The following DNAH11 variants were observed in gnomAD, a reference collection of about 807,000 sequenced individuals.
The protein encoded by DNAH11 is dynein axonemal heavy chain 11.
A neutral mutation model predicts 526.0 loss-of-function variants in DNAH11; 442 were observed. The observed-to-expected ratio is 0.84, with a 90% CI of 0.78 to 0.91. The LOEUF (loss-of-function observed/expected upper bound fraction) is 0.91. Ranked by LOEUF, DNAH11 falls within the 40% of genes least tolerant of loss-of-function variation. The pLI is 0.00. For missense variants in DNAH11, 6,989 were observed against 5,448.7 expected, an observed-to-expected ratio of 1.28 and a Z score of -8.90; for synonymous variants, 2,461 against 1,935.9, an observed-to-expected ratio of 1.27 and a Z score of -7.12.
At position 21,884,521 on chromosome 7, in the gene DNAH11, C is replaced by A. The variant is rs1252372990; in HGVS notation, c.12507+111C>A. On this transcript the variant is annotated intron_variant, in intron 76 of 81. Transcript: ENST00000409508. ...GCAATTCTTAATGTTATTGAGGATG[C>A]TTGGCCTTTTGGGAAATTTCTTAGA... 7.5e-6 allele frequency: 9 copies of A among 1,197,406 alleles called. No homozygotes were observed. The Admixed American group carries it at 2.7e-4, about 36-fold the overall frequency. 74.2% of individuals were successfully genotyped at this position (1,197,406 alleles called of 1,614,324 possible).
At chr7:21,726,485 T>G (rs1785110939) in intron 45 of DNAH11, among the ~76,000 whole-genome samples, 1 of 151,864 alleles carries the variant, frequency 6.6e-6, no homozygotes, top group Non-Finnish European at 1.5e-5. Context: ...TTTTTTTCTT[T>G]CTTGCCTGAT....
intron 28 of DNAH11, among the ~76,000 whole-genome samples, chr7:21,651,266 CAA>C (rs1781758307): frequency 6.6e-6 from 1 of 152,138 alleles, no homozygotes; most frequent in African/African-American, 2.4e-5. Context: ...GTAGGTAGGG[CAA>C]ATACGAACTT....
intron 1 of DNAH11, among the ~76,000 whole-genome samples, chr7:21,544,258 G>T (rs926986907): frequency 2.0e-5 from 3 of 152,190 alleles, no homozygotes; most frequent in Non-Finnish European, 4.4e-5. Flanking sequence ...TTTGGAGCAA[G>T]ATTCACAATT....
rs1156928594 is a variant in DNAH11 at position 21,865,359 on chromosome 7, T to C, written c.11496+702T>C. Among the ~76,000 whole-genome samples, 9 of 152,356 alleles carry C rather than the reference T, an allele frequency of 5.9e-5. No homozygotes were observed. In the East Asian group the frequency reaches 1.7e-3, roughly 29 times the overall value. On this transcript the variant is annotated intron_variant, in intron 70 of 81. Transcript: ENST00000409508. ...AGTATTTGTAATTAGATTGTAACTT[T>C]AGAATTCAAAATTCAAATTCAAATG...
intron 14 of DNAH11, among the ~76,000 whole-genome samples, chr7:21,593,563 A>G (rs1047407405): frequency 1.5e-5 from 2 of 134,190 alleles, no homozygotes. Flanking sequence ...GAAGAAAGCC[A>G]TTGAGGGAAA....
In DNAH11 at chr7:21,687,174, AAC is replaced by A. The variant is rs1783410926; in HGVS notation, c.5699_5700del (p.Thr1900ArgfsTer33). 6.2e-7 allele frequency: 1 copy of A among 1,613,086 alleles called. No individual in the cohort carries two copies. Among genetic ancestry groups the A allele is most frequent in the Non-Finnish European group, 8.5e-7 (1 of 1,179,468 alleles). ...APAGPAGTGKTETTKDLGRAL... is the reference protein window; with the variant it reads ...APAGPAGTGKXETTKDLGRAL... ...CTGCTGGCCCAGCTGGTACCGGGAA[AAC>A]AGAGACCACCAAAGACCTAGGACGT... On this transcript the variant is annotated frameshift_variant, in exon 33 of 82. Transcript: ENST00000409508. LOFTEE classifies it high-confidence loss of function.
chr7:21,703,658 C>T (rs572864854), intron 37 of DNAH11: 1 of 152,212 alleles, frequency 6.6e-6, no homozygotes, highest in Admixed American at 6.5e-5. Context: ...CTAAGCCCTC[C>T]TCTAATTTGA....
At chr7:21,805,009 A>G (rs542971278) in intron 62 of DNAH11, among the ~76,000 whole-genome samples, 15 of 152,118 alleles carry the variant, frequency 9.9e-5, no homozygotes, top group African/African-American at 3.6e-4. Context: ...TCATACTTCC[A>G]GGCACGCTCC....
chr7:21,730,698 C>T (rs2906677), intron 45 of DNAH11, among the ~76,000 whole-genome samples: 98,760 of 151,832 alleles, frequency 0.65, 32,546 homozygotes, highest in South Asian at 0.73. Context: ...AGTTAGGAGA[C>T]TGGGGAGATG....
intron 31 of DNAH11, among the ~76,000 whole-genome samples, chr7:21,682,022 C>G (rs912060587): frequency 2.0e-5 from 3 of 152,168 alleles, no homozygotes; most frequent in Admixed American, 1.3e-4. Context: ...CTGTGACTTA[C>G]ACAGCCAATA....
intron 25 of DNAH11, among the ~76,000 whole-genome samples, chr7:21,630,268 C>G (rs750156430): frequency 1.3e-5 from 2 of 151,864 alleles, no homozygotes; most frequent in African/African-American, 2.4e-5. Context: ...TTTATATTGT[C>G]TATCTCTTAA....
intron 2 of DNAH11, among the ~76,000 whole-genome samples, chr7:21,554,054 T>C (rs192539856): frequency 4.5e-4 from 69 of 152,230 alleles, no homozygotes; most frequent in African/African-American, 1.5e-3. Flanking sequence ...AGTTTCCTCT[T>C]TTGGTTTTTG....
chr7:21,852,470 G>A lies in DNAH11; in HGVS notation c.10900G>A (p.Val3634Ile). The A allele has an allele frequency of 6.2e-7, 1 of 1,610,556 alleles. No homozygotes were observed. Among genetic ancestry groups the A allele is most frequent in the Non-Finnish European group, 8.5e-7 (1 of 1,178,214 alleles). ...ERPDLEKLKL[V>I]LTKHQNDFKI... Reference sequence around the variant, plus strand: ...CACTTTTCTTGGTTTTTATTAGTTGGTATTGACAAAGCACCAAAATGATTT... The same window carrying A: ...CACTTTTCTTGGTTTTTATTAGTTGATATTGACAAAGCACCAAAATGATTT... Residue 3634 changes from valine (V) to isoleucine (I), a missense_variant, in exon 67 of 82, where the codon GTA (valine) becomes ATA (isoleucine). Transcript: ENST00000409508.
intron 70 of DNAH11, 78 bp downstream of exon 70, chr7:21,864,735 T>C: frequency 7.2e-7 from 1 of 1,389,082 alleles, no homozygotes; most frequent in Non-Finnish European, 9.6e-7. Flanking sequence ...AATGTAAACA[T>C]TAAAGAATAC....
chr7:21,868,019 G>T lies in DNAH11; in HGVS notation c.11839+12G>T. 1 of 1,508,412 alleles carries T rather than the reference G, an allele frequency of 6.6e-7. No homozygotes were observed. The highest frequency in any genetic ancestry group is 8.9e-7 in the Non-Finnish European group (1 of 1,123,086). The allele number at this position is 1,508,412 out of a possible 1,614,324, so 93.4% of individuals were successfully genotyped here. On this transcript the variant is annotated intron_variant, in intron 72 of 81. Transcript: ENST00000409508. ...CCTGGAGATTCTTGGTGAGTGGCTG[G>T]GAGGCTCGCTGGCCCGCCCCTTCTC... is the stretch of plus-strand genomic sequence containing the variant.
intron 44 of DNAH11, among the ~76,000 whole-genome samples, chr7:21,721,983 G>A (rs970947831): frequency 6.6e-6 from 1 of 151,986 alleles, no homozygotes; most frequent in Admixed American, 6.6e-5. Flanking sequence ...TGCTTGCATA[G>A]CCCTTTTGTG....
chr7:21,869,959 TGCTA>T (rs1237561360), intron 73 of DNAH11, among the ~76,000 whole-genome samples: 1 of 152,216 alleles, frequency 6.6e-6, no homozygotes, highest in East Asian at 1.9e-4. Context: ...CAGCAAGCTC[TGCTA>T]GCTGTCTCAC....
intron 54 of DNAH11, among the ~76,000 whole-genome samples, chr7:21,756,140 A>G (rs899209663): frequency 1.2e-4 from 19 of 152,040 alleles, no homozygotes; most frequent in Admixed American, 8.5e-4. Context: ...CTCCATGGTT[A>G]TAAAAACTAT....
At position 21,702,736 on chromosome 7, in the gene DNAH11, T is replaced by C. The variant is rs1784117096; in HGVS notation, c.6207T>C (p.Ala2069=). 1 of 1,613,764 alleles carries C rather than the reference T, an allele frequency of 6.2e-7. No homozygotes were observed. Among genetic ancestry groups the C allele is most frequent in the South Asian group, 1.1e-5 (1 of 91,050 alleles). The part of the protein sequence containing the change: ...KQDHYDWGLR[A]IKSVLVVAGS... The stretch of plus-strand genomic sequence containing the variant: ...ATCATTACGACTGGGGACTTCGTGC[T>C]ATTAAGTCTGTCTTGGTTGTGGCTG... Residue 2069 remains alanine, a synonymous_variant, in exon 37 of 82, where the codon GCT becomes GCC. Coordinates refer to ENST00000409508, the MANE Select transcript of DNAH11 (RefSeq NM_001277115.2).
Sources: gnomAD v4.1 joint callset for allele counts (sites outside exome capture counted in the v4.1 genomes callset) on GRCh38, gnomAD v4.1.1 for gene constraint, MANE v1.5 for transcripts, NCBI Gene and HGNC (gene_info 2026-07-23, HGNC 2026-07-21) for gene names.